The following RRP1B variants were observed in gnomAD, a reference collection of about 807,000 sequenced individuals.
RRP1B encodes ribosomal RNA processing 1B.
RRP1B carries 56 observed loss-of-function variants against 80.2 expected under a neutral mutation model. The ratio of observed to expected loss-of-function variants is 0.70; its 90% CI spans 0.56 to 0.87. RRP1B has a LOEUF of 0.87. Ranked by LOEUF, RRP1B falls within the 40% of genes least tolerant of loss-of-function variation. The probability of loss-of-function intolerance (pLI) is 0.00; values close to 1 mark genes in which losing one functional copy is unlikely to be tolerated. For synonymous variants in RRP1B, 351 were observed against 357.6 expected, an observed-to-expected ratio of 0.98 and a Z score of 0.21; for missense variants, 807 against 939.8, an observed-to-expected ratio of 0.86 and a Z score of 1.85.
chr21:43,661,181 G>C (rs566333135), intron 1 of RRP1B, among the ~76,000 whole-genome samples: 5 of 152,184 alleles, frequency 3.3e-5, no homozygotes, highest in Admixed American at 6.5e-5. Flanking sequence ...ATCTCCCCAA[G>C]AGATTTTGTT....
chr21:43,669,341 G>T (rs895220347), intron 1 of RRP1B, among the ~76,000 whole-genome samples: 1 of 152,172 alleles, frequency 6.6e-6, no homozygotes, highest in African/African-American at 2.4e-5. Context: ...ATATTCCAAA[G>T]CAGCGTCAGT....
Position 43,694,883 on chromosome 21 carries a change from C to G in RRP1B, c.*1500C>G, listed in dbSNP as rs2083101506. 6.6e-6 allele frequency: 1 copy of G among 152,212 alleles called. No homozygotes were observed. Among genetic ancestry groups the G allele is most frequent in the African/African-American group, 2.4e-5 (1 of 41,452 alleles). The allele number at this position is 152,212 out of a possible 1,614,324, so 9.4% of individuals were successfully genotyped here. ...ATTCATGGAGCCAAGGGTGGGGTTTCACCTGCGAACATCAGACTGACTTGC... is the reference window on the plus strand; with the variant it reads ...ATTCATGGAGCCAAGGGTGGGGTTTGACCTGCGAACATCAGACTGACTTGC... On this transcript the variant is annotated 3_prime_UTR_variant, in exon 16 of 16. Transcript: ENST00000340648.
rs1232897910 is a variant in RRP1B, at chr21:43,693,514, G to C, written c.*131G>C. On this transcript the variant is annotated 3_prime_UTR_variant, in exon 16 of 16. Coordinates refer to ENST00000340648, the MANE Select transcript of RRP1B (RefSeq NM_015056.3). This position sits in a 1 kb window ranked among gnomAD's most constrained non-coding sequence, Gnocchi z 4.1. ...GTTGTGTGCACGAGGTTCTGAGAGT[G>C]CCCGCAGGCTGCTGCGTCCTGGCCC... 10 of 904,382 alleles carry C rather than the reference G, an allele frequency of 1.1e-5. No homozygotes were observed. The highest frequency in any genetic ancestry group is 3.2e-6 in the Non-Finnish European group (2 of 633,268). The allele number at this position is 904,382 out of a possible 1,614,324, so 56.0% of individuals were successfully genotyped here.
intron 12 of RRP1B, 66 bp downstream of exon 12, chr21:43,687,001 C>A: frequency 1.3e-6 from 2 of 1,550,148 alleles, no homozygotes; most frequent in Non-Finnish European, 1.8e-6. Flanking sequence ...ACCATGGAGG[C>A]CTCGGAGACT....
rs190336048 is a variant in RRP1B, at chr21:43,679,525, A to G, written c.796+2611A>G. Among the ~76,000 whole-genome samples, 8 of 152,232 alleles carry G rather than the reference A, an allele frequency of 5.3e-5. No individual in the cohort carries two copies. In the East Asian group the frequency reaches 1.5e-3, roughly 29 times the overall value. The stretch of plus-strand genomic sequence containing the variant: ...TGACCTCAAGTGATCCACCAGCTTC[A>G]GCCTCCCAAAGTGCCGGGATTACAG... On this transcript the variant is annotated intron_variant, in intron 8 of 15. Transcript: ENST00000340648.
intron 8 of RRP1B, 89 bp downstream of exon 8, chr21:43,677,003 C>A: frequency 1.5e-6 from 2 of 1,297,484 alleles, no homozygotes; most frequent in East Asian, 2.3e-5. Flanking sequence ...TGGCATCTTA[C>A]TGAATGCAAC....
rs772686006 is a variant in RRP1B, at chr21:43,669,975, C to T, written c.213+9C>T. 6.3e-6 allele frequency: 10 copies of T among 1,585,592 alleles called. No homozygotes were observed. Among genetic ancestry groups the T allele is most frequent in the South Asian group, 5.6e-5 (5 of 89,122 alleles). ...ATGAACCCCTTCTACAGGTAACATG[C>T]GTTCCCTTTGTCATGCTCCCGGGTT... On this transcript the variant is annotated intron_variant, in intron 2 of 15. Transcript: ENST00000340648.
Position 43,659,854 on chromosome 21 carries a change from T to C in RRP1B, c.130+60T>C. ...GCGGGCCGGGGGCCGGGGCTGGGGC[T>C]AGGGCCAGGGCCCCGGCACGGAATG... On this transcript the variant is annotated intron_variant, in intron 1 of 15. Coordinates refer to ENST00000340648, the MANE Select transcript of RRP1B (RefSeq NM_015056.3). The surrounding 1 kb of genome is among the most constrained non-coding windows in gnomAD (Gnocchi z 4.2). The C allele has an allele frequency of 7.0e-7, 1 of 1,435,092 alleles. No individual in the cohort carries two copies. The highest frequency in any genetic ancestry group is 1.4e-5 in the South Asian group (1 of 70,700). The allele number at this position is 1,435,092 out of a possible 1,614,324, so 88.9% of individuals were successfully genotyped here.
rs547042441 is a variant in RRP1B at position 43,666,832 on chromosome 21, A to G, written c.131-3052A>G. ...GGACCACCCACTGCATTTGGTTAATATGTCTGCCAAGACGCTCTTAAAATC... is the reference window on the plus strand; with the variant it reads ...GGACCACCCACTGCATTTGGTTAATGTGTCTGCCAAGACGCTCTTAAAATC... On this transcript the variant is annotated intron_variant, in intron 1 of 15. Transcript: ENST00000340648. Among the ~76,000 whole-genome samples the G allele has an allele frequency of 1.7e-4, 26 of 152,254 alleles. No homozygotes were observed. In the South Asian group the frequency reaches 4.1e-3, roughly 24 times the overall value.
At chr21:43,687,385 G>A (rs2083067343) in intron 12 of RRP1B, 131 bp from the exon 13 acceptor site, 1 of 1,087,320 alleles carries the variant, frequency 9.2e-7, no homozygotes, top group Middle Eastern at 2.8e-4. Context: ...AGTACCTCAA[G>A]GGAGACAGGA....
Position 43,687,627 on chromosome 21 carries a change from G to A in RRP1B, c.1253G>A (p.Gly418Asp), listed in dbSNP as rs763088637. The stretch of plus-strand genomic sequence containing the variant: ...CAGCCTGAAAATCCAGGCCCAGGGG[G>A]TGCAGCCCCATCCCTGGAACAGAAC... ...HLQPENPGPG[G>D]AAPSLEQNRG... The change falls in exon 13 of 16, where the codon GGT becomes GAT. Residue 418 changes from glycine to aspartate, a missense_variant. Gly to Asp is a moderately conservative substitution (Grantham distance 94). Coordinates refer to ENST00000340648, the MANE Select transcript of RRP1B (RefSeq NM_015056.3). 3.9e-6 allele frequency: 6 copies of A among 1,548,232 alleles called. No homozygotes were observed. The highest frequency in any genetic ancestry group is 4.0e-5 in the Admixed American group (2 of 49,542).
chr21:43,660,703 A>G (rs62226935), intron 1 of RRP1B, among the ~76,000 whole-genome samples: 3,545 of 152,344 alleles, frequency 0.023, 63 homozygotes, highest in Non-Finnish European at 0.034. Flanking sequence ...ATGAGCGGAA[A>G]CCGCCTATGC....
In RRP1B at chr21:43,659,562, G is replaced by T; in HGVS notation, c.-103G>T. ...CCGCGCGCCGCCGCCGCCGCCTTCT[G>T]TGCAGTCGCGGCCCGGGCGGACGGT... On this transcript the variant is annotated 5_prime_UTR_variant, in exon 1 of 16. Transcript: ENST00000340648. This position sits in a 1 kb window ranked among gnomAD's most constrained non-coding sequence, Gnocchi z 4.2. The T allele has an allele frequency of 8.4e-7, 1 of 1,197,424 alleles. No individual in the cohort carries two copies. Among genetic ancestry groups the T allele is most frequent in the Non-Finnish European group, 1.0e-6 (1 of 961,264 alleles). The allele number at this position is 1,197,424 out of a possible 1,614,324, so 74.2% of individuals were successfully genotyped here.
In RRP1B at chr21:43,678,156, T is replaced by A. The variant is rs572514049; in HGVS notation, c.796+1242T>A. Among the ~76,000 whole-genome samples the A allele has an allele frequency of 3.9e-5, 6 of 152,286 alleles. 1 individual carries two copies. In the South Asian group the frequency reaches 1.2e-3, roughly 32 times the overall value. On this transcript the variant is annotated intron_variant, in intron 8 of 15. Coordinates refer to ENST00000340648, the MANE Select transcript of RRP1B (RefSeq NM_015056.3). ...AAGTCTTCCCTGTTCACCACATCTG[T>A]GCCAACATCTTTTTTTTTTGAGATG...
chr21:43,660,063 C>G (rs2082944242), intron 1 of RRP1B, among the ~76,000 whole-genome samples: 2 of 152,230 alleles, frequency 1.3e-5, no homozygotes, highest in Admixed American at 6.5e-5. Flanking sequence ...GATTCCCCAG[C>G]CGGCATCTCG....
Position 43,691,224 on chromosome 21 carries a change from G to T in RRP1B, c.2020-215G>T, listed in dbSNP as rs531454805. Among the ~76,000 whole-genome samples, 1 of 152,182 alleles carries T rather than the reference G, an allele frequency of 6.6e-6. No homozygotes were observed. The highest frequency in any genetic ancestry group is 1.5e-5 in the Non-Finnish European group (1 of 68,038). ...GGCTGGGGGGTTGCGTGTGTGGGACGCTGGGAAGGACAAAGGGCGGTCCTG... is the reference window on the plus strand; with the variant it reads ...GGCTGGGGGGTTGCGTGTGTGGGACTCTGGGAAGGACAAAGGGCGGTCCTG... On this transcript the variant is annotated intron_variant, in intron 14 of 15. Transcript: ENST00000340648. This position sits in a 1 kb window ranked among gnomAD's most constrained non-coding sequence, Gnocchi z 4.2.
chr21:43,687,046 C>A, intron 12 of RRP1B, 111 bp downstream of exon 12: 2 of 1,224,926 alleles, frequency 1.6e-6, no homozygotes, highest in Non-Finnish European at 2.3e-6. Flanking sequence ...TAGCAGAGCC[C>A]AAAGCTTCAG....
chr21:43,686,984 G>A (rs772943672), intron 12 of RRP1B, 49 bp downstream of exon 12: 21 of 1,597,014 alleles, frequency 1.3e-5, no homozygotes, highest in Non-Finnish European at 1.7e-5. Context: ...CTTGGGGAGC[G>A]GCATGCACCA....
intron 15 of RRP1B, among the ~76,000 whole-genome samples, chr21:43,692,779 A>C (rs1041454): frequency 0.062 from 9,488 of 152,116 alleles, 951 homozygotes; most frequent in African/African-American, 0.21. Context: ...ACTCTGAGAG[A>C]CTGAGGAGCT....
Sources: gnomAD v4.1 joint callset for allele counts (sites outside exome capture counted in the v4.1 genomes callset) on GRCh38, gnomAD v4.1.1 for gene constraint, Gnocchi (gnomAD v3.1) non-coding constraint, MANE v1.5 for transcripts, NCBI Gene and HGNC (gene_info 2026-07-23, HGNC 2026-07-21) for gene names.